Variants in KCNAB1 observed in about 807,000 individuals in gnomAD.
KCNAB1 encodes the protein voltage-gated potassium channel subunit beta-1.
A neutral mutation model predicts 64.6 loss-of-function variants in KCNAB1; 35 were observed. The observed-to-expected ratio is 0.54, with a 90% CI of 0.41 to 0.72. KCNAB1 has a LOEUF of 0.72. Among genes scored for constraint, KCNAB1 ranks in the 30% least tolerant of loss-of-function variants. The probability of loss-of-function intolerance (pLI) is 0.00; values close to 1 mark genes in which losing one functional copy is unlikely to be tolerated. For synonymous variants in KCNAB1, 177 were observed against 183.8 expected (o/e 0.96, Z 0.30); for missense variants, 401 against 512.9 (o/e 0.78, Z 2.11).
rs1722274363 is a variant in KCNAB1 at position 156,316,311 on chromosome 3, C to T, written c.276-105305C>T. Reference sequence around the variant, plus strand: ...CTGGGCTGGAAGCCTAGACTCTTTTCTTGACACCTCTGCAGAAAATCAACA... The same window carrying T: ...CTGGGCTGGAAGCCTAGACTCTTTTTTTGACACCTCTGCAGAAAATCAACA... On this transcript the variant is annotated intron_variant, in intron 1 of 13. Coordinates refer to ENST00000490337, the MANE Select transcript of KCNAB1 (RefSeq NM_172160.3). Among the ~76,000 whole-genome samples the T allele has an allele frequency of 2.6e-5, 4 of 152,336 alleles. No individual in the cohort carries two copies. The South Asian group carries it at 8.3e-4, about 32-fold the overall frequency.
chr3:156,186,862 T>C (rs1713233279), intron 1 of KCNAB1, among the ~76,000 whole-genome samples: 2 of 127,828 alleles, frequency 1.6e-5, no homozygotes, highest in South Asian at 2.5e-4. Flanking sequence ...TTTTTTTTTT[T>C]CTTTCTGGAG....
At chr3:156,177,813 T>G (rs1712502955) in intron 1 of KCNAB1, among the ~76,000 whole-genome samples, 1 of 152,112 alleles carries the variant, frequency 6.6e-6, no homozygotes, top group Non-Finnish European at 1.5e-5. Flanking sequence ...TGATCTTGGC[T>G]CACTGCCACC....
At chr3:156,381,719 C>A (rs369909013) in intron 1 of KCNAB1, among the ~76,000 whole-genome samples, 5 of 152,276 alleles carry the variant, frequency 3.3e-5, no homozygotes, top group African/African-American at 9.6e-5. Flanking sequence ...GCAGGAAACA[C>A]AGGGAAGTGG....
At chr3:156,520,637 C>T (rs1243587095) in intron 11 of KCNAB1, among the ~76,000 whole-genome samples, 2 of 152,086 alleles carry the variant, frequency 1.3e-5, no homozygotes, top group Non-Finnish European at 2.9e-5. Context: ...GCATGCACAC[C>T]TCGATGAATC....
chr3:156,221,778 C>A lies in KCNAB1; in HGVS notation c.275+100892C>A, dbSNP rs184326935. ...GGGCGAAAAGAGCAAAACTCCATCC[C>A]CCCCCGCCAAAAAAAAAGTTTTGTG... On this transcript the variant is annotated intron_variant, in intron 1 of 13. Coordinates refer to ENST00000490337, the MANE Select transcript of KCNAB1 (RefSeq NM_172160.3). 1.5e-3 allele frequency among the ~76,000 whole-genome samples: 214 copies of A among 146,948 alleles called. 3 individuals are homozygous for A. The highest frequency in any genetic ancestry group is 0.013 in the Admixed American group (193 of 14,754).
chr3:156,179,439 C>T (rs978248262), intron 1 of KCNAB1, among the ~76,000 whole-genome samples: 2 of 139,180 alleles, frequency 1.4e-5, no homozygotes, highest in African/African-American at 5.2e-5. Flanking sequence ...CCCCCTCACC[C>T]CCTGCGTTCT....
intron 8 of KCNAB1, among the ~76,000 whole-genome samples, chr3:156,476,270 A>C (rs572808915): frequency 2.0e-4 from 30 of 152,148 alleles, no homozygotes; most frequent in Non-Finnish European, 3.2e-4. Flanking sequence ...ACACTGCACC[A>C]TATTTGTAGT....
intron 1 of KCNAB1, among the ~76,000 whole-genome samples, chr3:156,304,935 T>C (rs1165150379): frequency 6.6e-6 from 1 of 152,162 alleles, no homozygotes. Flanking sequence ...CCATAATTTA[T>C]ATCGAGTATG....
chr3:156,419,654 C>A (rs2108223632), intron 1 of KCNAB1, among the ~76,000 whole-genome samples: 1 of 152,200 alleles, frequency 6.6e-6, no homozygotes, highest in African/African-American at 2.4e-5. Context: ...TTTCTAGATC[C>A]TTTTCTCCAT....
chr3:156,148,240 A>C (rs559931302), intron 1 of KCNAB1, among the ~76,000 whole-genome samples: 56 of 152,260 alleles, frequency 3.7e-4, no homozygotes, highest in African/African-American at 1.3e-3. Context: ...ATTGACCACC[A>C]GACTTTTCTC....
chr3:156,435,429 C>T (rs1466988560), intron 2 of KCNAB1, among the ~76,000 whole-genome samples: 1 of 152,136 alleles, frequency 6.6e-6, no homozygotes, highest in African/African-American at 2.4e-5. Context: ...GTGTCAGTCT[C>T]TATAGTTTGT....
At chr3:156,197,061 A>G (rs1054769800) in intron 1 of KCNAB1, among the ~76,000 whole-genome samples, 8 of 152,174 alleles carry the variant, frequency 5.3e-5, no homozygotes, top group Admixed American at 6.5e-5. Flanking sequence ...TGAGATAATC[A>G]TGTGGTTTTT....
intron 5 of KCNAB1, among the ~76,000 whole-genome samples, chr3:156,461,550 A>G (rs748920253): frequency 2.6e-5 from 4 of 152,176 alleles, no homozygotes; most frequent in Non-Finnish European, 5.9e-5. Flanking sequence ...ACTTTAACAT[A>G]TCTTTTTGGG....
intron 1 of KCNAB1, among the ~76,000 whole-genome samples, chr3:156,181,456 G>A (rs1712811375): frequency 6.6e-6 from 1 of 152,216 alleles, no homozygotes; most frequent in Non-Finnish European, 1.5e-5. Flanking sequence ...AAATTCTCTA[G>A]CAGTGGAGTA....
intron 1 of KCNAB1, among the ~76,000 whole-genome samples, chr3:156,283,461 G>A (rs1170756788): frequency 1.8e-4 from 26 of 148,354 alleles, no homozygotes; most frequent in East Asian, 8.0e-4. Context: ...TGCTCTTCTC[G>A]AGGAGTATCT....
intron 1 of KCNAB1, among the ~76,000 whole-genome samples, chr3:156,148,441 A>C (rs1256819041): frequency 2.0e-4 from 30 of 152,226 alleles, no homozygotes; most frequent in Admixed American, 1.9e-3. Context: ...GAAAGAGAGA[A>C]ACCAAAGAGC....
chr3:156,387,548 T>C (rs1224077998), intron 1 of KCNAB1, among the ~76,000 whole-genome samples: 1 of 152,256 alleles, frequency 6.6e-6, no homozygotes, highest in East Asian at 1.9e-4. Flanking sequence ...CTTTAGCCAT[T>C]TCCTTATTGT....
chr3:156,231,832 T>TG (rs1323376724), intron 1 of KCNAB1, among the ~76,000 whole-genome samples: 4 of 152,124 alleles, frequency 2.6e-5, no homozygotes, highest in Admixed American at 6.5e-5. Flanking sequence ...CCTGCCTTTC[T>TG]GAAACAAATC....
At chr3:156,352,592 C>G (rs534816423) in intron 1 of KCNAB1, among the ~76,000 whole-genome samples, 1 of 152,308 alleles carries the variant, frequency 6.6e-6, no homozygotes, top group South Asian at 2.1e-4. Flanking sequence ...CCTTACTCGG[C>G]CCTGGACAGC....
Sources: gnomAD v4.1 joint callset for allele counts (sites outside exome capture counted in the v4.1 genomes callset) on GRCh38, gnomAD v4.1.1 for gene constraint, MANE v1.5 for transcripts, NCBI Gene and HGNC (gene_info 2026-07-23, HGNC 2026-07-21) for gene names.